The following DOCK3 variants were observed in gnomAD, a reference collection of about 807,000 sequenced individuals.
The protein encoded by DOCK3 is dedicator of cytokinesis 3, also known as dedicator of cytokinesis protein 3.
DOCK3 carries 60 observed loss-of-function variants against 265.6 expected under a neutral mutation model. That is an observed-to-expected ratio of 0.23 (90% confidence interval 0.18 to 0.28). DOCK3 has a LOEUF of 0.28. DOCK3 is among the 10% of genes least tolerant of loss of function. The probability of loss-of-function intolerance (pLI) is 1.00; values close to 1 mark genes in which losing one functional copy is unlikely to be tolerated. For missense variants in DOCK3, 1,981 were observed against 2,594.3 expected (o/e 0.76, Z 5.14); for synonymous variants, 881 against 938.0 (o/e 0.94, Z 1.11).
At chr3:50,828,933 C>T (rs1360910212) in intron 2 of DOCK3, among the ~76,000 whole-genome samples, 2 of 151,624 alleles carry the variant, frequency 1.3e-5, no homozygotes, top group Non-Finnish European at 2.9e-5. Context: ...AGACTGGTCT[C>T]GAACTCCTCT....
rs567115114 is a variant in DOCK3, at chr3:51,045,338, G to A, written c.316-19110G>A. ...GAGCAGTGACAATACAGACATTTGC[G>A]ATTAATTTCTCCATCTTATATGGGT... is the stretch of plus-strand genomic sequence containing the variant. On this transcript the variant is annotated intron_variant, in intron 5 of 52. Transcript: ENST00000266037. Among the ~76,000 whole-genome samples the A allele has an allele frequency of 2.6e-5, 4 of 152,194 alleles. No homozygotes were observed. In the East Asian group the frequency reaches 5.8e-4, roughly 22 times the overall value.
intron 23 of DOCK3, among the ~76,000 whole-genome samples, chr3:51,262,799 C>T (rs1162875758): frequency 6.6e-6 from 1 of 151,962 alleles, no homozygotes. Flanking sequence ...CCAAACTGAT[C>T]AAGTGGAAGA....
At chr3:51,133,603 G>A (rs1278329180) in intron 9 of DOCK3, among the ~76,000 whole-genome samples, 1 of 151,998 alleles carries the variant, frequency 6.6e-6, no homozygotes, top group Non-Finnish European at 1.5e-5. Flanking sequence ...TTGCTATTGT[G>A]AATAGTGCCA....
chr3:50,757,842 ATTCT>A (rs967212946), intron 1 of DOCK3, among the ~76,000 whole-genome samples: 20 of 152,010 alleles, frequency 1.3e-4, no homozygotes, highest in African/African-American at 3.6e-4. Context: ...TGAAAAGATG[ATTCT>A]TTCTCCTGTT....
intron 31 of DOCK3, among the ~76,000 whole-genome samples, chr3:51,314,211 C>T (rs1418007925): frequency 2.0e-5 from 3 of 152,304 alleles, no homozygotes; most frequent in South Asian, 4.1e-4. Flanking sequence ...CTGTCTCTGG[C>T]TTCTGGTAAC....
chr3:50,841,797 G>T lies in DOCK3; in HGVS notation c.162+82G>T. The T allele has an allele frequency of 1.1e-5, 3 of 283,840 alleles. 1 individual carries two copies. In the South Asian group the frequency reaches 2.7e-4, roughly 26 times the overall value. The allele number at this position is 283,840 out of a possible 1,614,324, so 17.6% of individuals were successfully genotyped here. ...TTGTTTGATATAACAACTCTTAGTGGTTCATCTTTTAATCTTTTACAGTAG... is the reference window on the plus strand; with the variant it reads ...TTGTTTGATATAACAACTCTTAGTGTTTCATCTTTTAATCTTTTACAGTAG... On this transcript the variant is annotated intron_variant, in intron 3 of 52. Coordinates refer to ENST00000266037, the MANE Select transcript of DOCK3 (RefSeq NM_004947.5).
At chr3:51,195,229 T>A (rs1431958559) in intron 12 of DOCK3, among the ~76,000 whole-genome samples, 1 of 152,172 alleles carries the variant, frequency 6.6e-6, no homozygotes, top group Non-Finnish European at 1.5e-5. Flanking sequence ...TTGATCAGTG[T>A]CATTATTGAT....
At chr3:50,947,245 G>A (rs1391785367) in intron 5 of DOCK3, among the ~76,000 whole-genome samples, 1 of 151,910 alleles carries the variant, frequency 6.6e-6, no homozygotes, top group African/African-American at 2.4e-5. Context: ...TTTTAATTTT[G>A]TAATATATAG....
intron 27 of DOCK3, among the ~76,000 whole-genome samples, chr3:51,299,415 G>C (rs184895049): frequency 1.6e-4 from 24 of 152,166 alleles, no homozygotes; most frequent in African/African-American, 5.5e-4. Context: ...AAGCTCTTTA[G>C]TTTAATTAGA....
intron 14 of DOCK3, among the ~76,000 whole-genome samples, chr3:51,225,174 G>A (rs1393142998): frequency 1.3e-5 from 2 of 152,110 alleles, no homozygotes; most frequent in Non-Finnish European, 2.9e-5. Flanking sequence ...ATATCCTCTA[G>A]TCAGACTCAG....
chr3:50,922,283 C>T (rs2050520291), intron 4 of DOCK3, among the ~76,000 whole-genome samples: 1 of 152,248 alleles, frequency 6.6e-6, no homozygotes, highest in African/African-American at 2.4e-5. Flanking sequence ...GCCTCACTGC[C>T]TCCTTGCAGT....
chr3:51,195,983 G>A (rs1387192567), intron 12 of DOCK3, among the ~76,000 whole-genome samples: 1 of 151,382 alleles, frequency 6.6e-6, no homozygotes. Context: ...TCACCCAGGT[G>A]GGAGTGCAGT....
chr3:50,876,408 G>A (rs567263970), intron 3 of DOCK3, among the ~76,000 whole-genome samples: 1 of 151,902 alleles, frequency 6.6e-6, no homozygotes, highest in Middle Eastern at 3.4e-3. Context: ...ATATTTTAAG[G>A]TTTAAAATAT....
intron 4 of DOCK3, among the ~76,000 whole-genome samples, chr3:50,893,963 G>A (rs192587125): frequency 7.6e-6 from 1 of 131,334 alleles, no homozygotes; most frequent in East Asian, 2.6e-4. Flanking sequence ...TCACACACCG[G>A]GGCCTGTCGT....
intron 4 of DOCK3, among the ~76,000 whole-genome samples, chr3:50,912,202 T>TGG (rs2049891112): frequency 6.6e-6 from 1 of 152,118 alleles, no homozygotes; most frequent in Non-Finnish European, 1.5e-5. Flanking sequence ...GATCATGAGG[T>TGG]ACCACCTTGA....
intron 5 of DOCK3, among the ~76,000 whole-genome samples, chr3:50,995,831 A>T (rs2078260686): frequency 6.6e-6 from 1 of 152,210 alleles, no homozygotes; most frequent in Admixed American, 6.5e-5. Flanking sequence ...GTCCTGTAGA[A>T]TAGGACCAAC....
intron 9 of DOCK3, among the ~76,000 whole-genome samples, chr3:51,131,580 A>G (rs944950909): frequency 2.0e-5 from 3 of 152,116 alleles, no homozygotes; most frequent in Admixed American, 6.5e-5. Context: ...CAAGTCTTTT[A>G]TCCGTTCAAC....
At position 50,752,061 on chromosome 3, in the gene DOCK3, C is replaced by G. The variant is rs562006436; in HGVS notation, c.38-26614C>G. On this transcript the variant is annotated intron_variant, in intron 1 of 52. Coordinates refer to ENST00000266037, the MANE Select transcript of DOCK3 (RefSeq NM_004947.5). ...GGGTGGGAACACAGCCAAACTATAT[C>G]ACCCCAGTACCTGCAATGCTTTTTC... 5.9e-5 allele frequency among the ~76,000 whole-genome samples: 9 copies of G among 152,278 alleles called. No individual in the cohort carries two copies. The South Asian group carries it at 1.7e-3, about 28-fold the overall frequency.
At chr3:50,928,983 A>G (rs967238266) in intron 4 of DOCK3, among the ~76,000 whole-genome samples, 2 of 152,218 alleles carry the variant, frequency 1.3e-5, no homozygotes, top group Admixed American at 6.5e-5. Context: ...ATAGGGTAAT[A>G]TAAGTGTTCT....
Sources: allele counts gnomAD v4.1 joint callset (sites outside exome capture counted in the v4.1 genomes callset), GRCh38; gene constraint gnomAD v4.1.1; transcripts MANE v1.5; gene names NCBI Gene and HGNC (gene_info 2026-07-23, HGNC 2026-07-21).